Variants in MET observed in about 807,000 individuals in gnomAD.
MET encodes the protein hepatocyte growth factor receptor.
In MET, 48 loss-of-function variants were observed where a neutral mutation model predicts 133.1. The ratio of observed to expected loss-of-function variants is 0.36; its 90% confidence interval spans 0.29 to 0.46. The LOEUF (loss-of-function observed/expected upper bound fraction) is 0.46, where lower values mean the gene tolerates loss of function less well. Ranked by LOEUF, MET falls within the 20% of genes least tolerant of loss-of-function variation. The pLI is 1.00. For synonymous variants in MET, 628 were observed against 616.5 expected, an observed-to-expected ratio of 1.02 and a Z score of -0.28; for missense variants, 1,442 against 1,695.9, an observed-to-expected ratio of 0.85 and a Z score of 2.63.
intron 1 of MET, among the ~76,000 whole-genome samples, chr7:116,687,427 G>T (rs1796601516): frequency 6.6e-6 from 1 of 151,998 alleles, no homozygotes; most frequent in Admixed American, 6.5e-5. Context: ...AGTTTTGTTT[G>T]GTTCTTTATT....
intron 10 of MET, among the ~76,000 whole-genome samples, chr7:116,761,312 G>A (rs1030418561): frequency 1.3e-5 from 2 of 152,094 alleles, no homozygotes; most frequent in African/African-American, 4.8e-5. Flanking sequence ...CTGTACATTA[G>A]AATCGGACAA....
chr7:116,720,164 G>C (rs931841283), intron 2 of MET, among the ~76,000 whole-genome samples: 9 of 151,242 alleles, frequency 6.0e-5, no homozygotes, highest in African/African-American at 2.2e-4. Flanking sequence ...ATTTCCTTGA[G>C]CAGTGGTTTG....
intron 5 of MET, among the ~76,000 whole-genome samples, chr7:116,742,791 G>A (rs1185486891): frequency 6.6e-6 from 1 of 152,222 alleles, no homozygotes; most frequent in Non-Finnish European, 1.5e-5. Context: ...CCATGCACAA[G>A]TCAGTGAGGC....
chr7:116,743,612 A>G (rs2116853401), intron 5 of MET, among the ~76,000 whole-genome samples: 1 of 152,312 alleles, frequency 6.6e-6, no homozygotes, highest in Admixed American at 6.5e-5. Context: ...GTACAGCTTC[A>G]GCAGACTTAA....
In MET at chr7:116,699,637, C is replaced by T. The variant is rs376097698; in HGVS notation, c.553C>T (p.Leu185Phe). The change falls in exon 2 of 21, where the codon CTT becomes TTT. Residue 185 changes from leucine to phenylalanine, a missense_variant. Leu to Phe is a conservative substitution (Grantham distance 22). Transcript: ENST00000397752. Reference sequence around the variant, plus strand: ...GGTGAGCGCCCTGGGAGCCAAAGTCCTTTCATCTGTAAAGGACCGGTTCAT... The same window carrying T: ...GGTGAGCGCCCTGGGAGCCAAAGTCTTTTCATCTGTAAAGGACCGGTTCAT... Reference protein sequence around the residue: ...CVVSALGAKVLSSVKDRFINF... With the variant: ...CVVSALGAKVFSSVKDRFINF... The T allele has an allele frequency of 6.2e-7, 1 of 1,613,976 alleles. No homozygotes were observed. Among genetic ancestry groups the T allele is most frequent in the Non-Finnish European group, 8.5e-7 (1 of 1,179,958 alleles).
At chr7:116,680,989 A>C (rs1562873377) in intron 1 of MET, among the ~76,000 whole-genome samples, 1 of 152,046 alleles carries the variant, frequency 6.6e-6, no homozygotes, top group Non-Finnish European at 1.5e-5. Flanking sequence ...AGCTCATGGG[A>C]AAATGGTACC....
At chr7:116,716,532 A>G (rs1323185967) in intron 2 of MET, among the ~76,000 whole-genome samples, 1 of 140,170 alleles carries the variant, frequency 7.1e-6, no homozygotes, top group Non-Finnish European at 1.6e-5. Flanking sequence ...AAAGAAAGAA[A>G]GAAAGAAGAT....
intron 11 of MET, among the ~76,000 whole-genome samples, chr7:116,767,127 C>G (rs1466390869): frequency 6.6e-6 from 1 of 152,146 alleles, no homozygotes; most frequent in African/African-American, 2.4e-5. Context: ...CTTGCCCAGA[C>G]CCAGCCTGTG....
At chr7:116,754,983 G>GGAAAGAAAGAAAGAAA (rs10674901) in intron 5 of MET, among the ~76,000 whole-genome samples, 12,740 of 78,364 alleles carry the variant, frequency 0.16, 1,708 homozygotes, top group Non-Finnish European at 0.17. Context: ...AGCAGAGAAA[G>GGAAAGAAAGAAAGAAA]GAAAGAAAGA....
At chr7:116,772,017 ATACC>A (rs1794852947) in intron 14 of MET, 28 bp downstream of exon 14, 1 of 1,611,014 alleles carries the variant, frequency 6.2e-7, no homozygotes, top group Non-Finnish European at 8.5e-7. Flanking sequence ...GTTCTGAGAA[ATACC>A]TATACATATA....
intron 2 of MET, among the ~76,000 whole-genome samples, chr7:116,709,338 C>A (rs1363829911): frequency 6.6e-6 from 1 of 152,144 alleles, no homozygotes; most frequent in Non-Finnish European, 1.5e-5. Context: ...AAATCATAAA[C>A]AATAGTGTTG....
intron 16 of MET, among the ~76,000 whole-genome samples, chr7:116,778,268 T>A (rs1331945062): frequency 6.6e-6 from 1 of 152,258 alleles, no homozygotes; most frequent in Non-Finnish European, 1.5e-5. Context: ...TTTCTCATTT[T>A]CTGCTTGCAA....
chr7:116,731,288 C>T (rs1019409744), intron 2 of MET, among the ~76,000 whole-genome samples: 1 of 152,190 alleles, frequency 6.6e-6, no homozygotes, highest in African/African-American at 2.4e-5. Context: ...GAACATGCCT[C>T]TAACATTTAT....
rs528788133 is a variant in MET at position 116,740,033 on chromosome 7, G to T, written c.1476G>T (p.Val492=). 1.5e-5 allele frequency: 24 copies of T among 1,614,084 alleles called. No individual in the cohort carries two copies. The highest frequency in any genetic ancestry group is 2.0e-5 in the Non-Finnish European group (24 of 1,179,996). The change falls in exon 4 of 21, where the codon GTG becomes GTT. Residue 492 remains valine, a synonymous_variant. Transcript: ENST00000397752. ...ATCCAGTGTCTCCAGAAGTGATTGTGGAGCATACATTAAACCAAAATGGCT... is the reference window on the plus strand; with the variant it reads ...ATCCAGTGTCTCCAGAAGTGATTGTTGAGCATACATTAAACCAAAATGGCT... ...DSHPVSPEVI[V]EHTLNQNGYT...
At chr7:116,706,206 C>T (rs1255497343) in intron 2 of MET, among the ~76,000 whole-genome samples, 1 of 152,064 alleles carries the variant, frequency 6.6e-6, no homozygotes, top group Non-Finnish European at 1.5e-5. Context: ...GGGAATGAAG[C>T]GTTAACTATG....
rs1562923583 is a variant in MET, at chr7:116,759,461, G to A, written c.2335G>A (p.Val779Met). Residue 779 changes from valine to methionine, a missense_variant, in exon 10 of 21, where the codon GTG becomes ATG. By Grantham distance (21) the Val-to-Met change is conservative. Transcript: ENST00000397752. ...TAGTGTCCCGAGAATGGTCATAAATGTGCATGAAGCAGGAAGGAACTTTAC... is the reference window on the plus strand; with the variant it reads ...TAGTGTCCCGAGAATGGTCATAAATATGCATGAAGCAGGAAGGAACTTTAC... ...SVSVPRMVIN[V>M]HEAGRNFTVA... The A allele has an allele frequency of 8.1e-6, 13 of 1,613,724 alleles. No individual in the cohort carries two copies. The highest frequency in any genetic ancestry group is 1.0e-5 in the Non-Finnish European group (12 of 1,179,826).
rs1584876675 is a variant in MET, at chr7:116,699,484, G to A, written c.400G>A (p.Gly134Ser). 2 of 1,613,820 alleles carry A rather than the reference G, an allele frequency of 1.2e-6. No individual in the cohort carries two copies. Among genetic ancestry groups the A allele is most frequent in the African/African-American group, 2.7e-5 (2 of 74,856 alleles). The change falls in exon 2 of 21, where the codon GGC (glycine) becomes AGC (serine). Residue 134 changes from glycine to serine, a missense_variant. Transcript: ENST00000397752. ...TYYDDQLISC[G>S]SVNRGTCQRH... ...CTATGATGATCAACTCATTAGCTGTGGCAGCGTCAACAGAGGGACCTGCCA... is the reference window on the plus strand; with the variant it reads ...CTATGATGATCAACTCATTAGCTGTAGCAGCGTCAACAGAGGGACCTGCCA...
intron 1 of MET, among the ~76,000 whole-genome samples, chr7:116,686,851 A>G (rs1188616642): frequency 6.6e-6 from 1 of 151,986 alleles, no homozygotes; most frequent in Admixed American, 6.6e-5. Context: ...GTGTGAGTCC[A>G]CTCCACCCAA....
At position 116,757,630 on chromosome 7, in the gene MET, C is replaced by G. The variant is rs2116922786; in HGVS notation, c.1966-8C>G. ...AGTTACTTTGTTTTGTTTTTATCTCCCCTCCAGGATCCTGTAATAACAAGT... is the reference window on the plus strand; with the variant it reads ...AGTTACTTTGTTTTGTTTTTATCTCGCCTCCAGGATCCTGTAATAACAAGT... On this transcript the variant is annotated splice_region_variant and splice_polypyrimidine_tract_variant and intron_variant, in intron 7 of 20. Coordinates refer to ENST00000397752, the MANE Select transcript of MET (RefSeq NM_000245.4). 1.2e-6 allele frequency: 2 copies of G among 1,613,818 alleles called. No homozygotes were observed. Among genetic ancestry groups the G allele is most frequent in the Non-Finnish European group, 8.5e-7 (1 of 1,179,904 alleles).
Sources: gnomAD v4.1 joint callset for allele counts (sites outside exome capture counted in the v4.1 genomes callset) on GRCh38, gnomAD v4.1.1 for gene constraint, MANE v1.5 for transcripts, NCBI Gene and HGNC (gene_info 2026-07-23, HGNC 2026-07-21) for gene names.